Variants in AOPEP observed in about 807,000 individuals in gnomAD.
The protein encoded by AOPEP is aminopeptidase O.
A neutral mutation model predicts 98.1 loss-of-function variants in AOPEP; 77 were observed. The observed-to-expected ratio is 0.78, with a 90% CI of 0.65 to 0.95. The LOEUF is 0.95. Among genes scored for constraint, AOPEP ranks in the 40% least tolerant of loss-of-function variants. The pLI, the probability that AOPEP is intolerant of heterozygous loss-of-function variation, is 0.00. For synonymous variants in AOPEP, 346 were observed against 365.3 expected, an observed-to-expected ratio of 0.95 and a Z score of 0.60; for missense variants, 1,024 against 1,024.7, an observed-to-expected ratio of 1.00 and a Z score of 0.01.
chr9:95,064,490 C>T (rs569595921), intron 14 of AOPEP, among the ~76,000 whole-genome samples: 43 of 152,162 alleles, frequency 2.8e-4, no homozygotes, highest in Non-Finnish European at 5.6e-4. Context: ...GGGGTTTCAC[C>T]ATCTTGGCCA....
intron 5 of AOPEP, among the ~76,000 whole-genome samples, chr9:94,848,072 A>G (rs2043074911): frequency 6.6e-6 from 1 of 152,196 alleles, no homozygotes; most frequent in Non-Finnish European, 1.5e-5. Context: ...GAAATGTGAC[A>G]CTGCAGTTAC....
At chr9:94,765,597 G>A (rs940106052) in intron 2 of AOPEP, among the ~76,000 whole-genome samples, 65 of 151,226 alleles carry the variant, frequency 4.3e-4, no homozygotes, top group African/African-American at 1.5e-3. Flanking sequence ...GTGAGACCCC[G>A]TCTTGAAAAA....
At chr9:94,882,023 T>C (rs868285450) in intron 5 of AOPEP, among the ~76,000 whole-genome samples, 21 of 152,276 alleles carry the variant, frequency 1.4e-4, no homozygotes, top group Middle Eastern at 3.4e-3. Context: ...TATGAGTAAA[T>C]TTTTGAGGAC....
chr9:95,033,969 A>G (rs1266917283), intron 13 of AOPEP, among the ~76,000 whole-genome samples: 3 of 152,184 alleles, frequency 2.0e-5, no homozygotes, highest in Non-Finnish European at 4.4e-5. Flanking sequence ...AGATTTAAAA[A>G]TCTTATATAT....
intron 5 of AOPEP, among the ~76,000 whole-genome samples, chr9:94,901,625 TATA>T (rs1346028776): frequency 1.3e-5 from 2 of 152,034 alleles, no homozygotes; most frequent in Non-Finnish European, 2.9e-5. Flanking sequence ...TTAAAATGTG[TATA>T]ATAACTTTTC....
chr9:94,794,730 A>G (rs1428418878), intron 4 of AOPEP, among the ~76,000 whole-genome samples: 1 of 152,148 alleles, frequency 6.6e-6, no homozygotes, highest in Non-Finnish European at 1.5e-5. Context: ...GACATATTCT[A>G]GTTTCATGTG....
At chr9:95,072,188 G>A (rs1044882041) in intron 14 of AOPEP, among the ~76,000 whole-genome samples, 45 of 152,230 alleles carry the variant, frequency 3.0e-4, no homozygotes, top group African/African-American at 1.1e-3. Flanking sequence ...GCCTGTTCTT[G>A]TAAATAACGT....
chr9:94,805,442 G>C (rs1849049700), intron 5 of AOPEP, among the ~76,000 whole-genome samples: 2 of 151,428 alleles, frequency 1.3e-5, no homozygotes, highest in South Asian at 2.1e-4. Flanking sequence ...TCTCATCCTA[G>C]TTTTATTTGC....
intron 13 of AOPEP, among the ~76,000 whole-genome samples, chr9:95,013,814 C>T (rs118023638): frequency 0.01 from 1,549 of 152,300 alleles, 19 homozygotes; most frequent in Non-Finnish European, 0.016. Context: ...ACTCCATTGT[C>T]ATCCTACATA....
intron 2 of AOPEP, among the ~76,000 whole-genome samples, chr9:94,764,385 A>C (rs1243548120): frequency 6.6e-6 from 1 of 152,182 alleles, no homozygotes; most frequent in Non-Finnish European, 1.5e-5. Flanking sequence ...AGTGGCTCAC[A>C]CCTGTAATCC....
intron 13 of AOPEP, among the ~76,000 whole-genome samples, chr9:95,031,840 C>T (rs1268661708): frequency 6.6e-6 from 1 of 152,198 alleles, no homozygotes; most frequent in Non-Finnish European, 1.5e-5. Flanking sequence ...TGACTTGTCC[C>T]AGATAACTGG....
At chr9:95,138,199 T>G in the AOPEP span, among the ~76,000 whole-genome samples, 1 of 152,308 alleles carries the variant, frequency 6.6e-6, no homozygotes, top group South Asian at 2.1e-4. Flanking sequence ...CTGGTAACAC[T>G]TGAAGCCAGG....
chr9:94,940,372 G>A (rs546515355), intron 7 of AOPEP, among the ~76,000 whole-genome samples: 56 of 152,270 alleles, frequency 3.7e-4, no homozygotes, highest in South Asian at 2.9e-3. Context: ...TTGAGAGGCC[G>A]AGGCGGGCAG....
At chr9:94,738,775 C>T (rs1045459202) in intron 1 of AOPEP, among the ~76,000 whole-genome samples, 4 of 152,024 alleles carry the variant, frequency 2.6e-5, no homozygotes, top group Non-Finnish European at 5.9e-5. Flanking sequence ...GGGGTTTCAC[C>T]GTGTTAGCCA....
At chr9:94,730,548 C>T (rs777110695) in intron 1 of AOPEP, among the ~76,000 whole-genome samples, 17 of 152,104 alleles carry the variant, frequency 1.1e-4, no homozygotes, top group Admixed American at 1.3e-4. Flanking sequence ...AAGCGTGTAA[C>T]TTACATGCTA....
chr9:94,730,628 C>T (rs1238322433), intron 1 of AOPEP, among the ~76,000 whole-genome samples: 3 of 152,080 alleles, frequency 2.0e-5, no homozygotes, highest in Admixed American at 6.6e-5. Context: ...TCTCTATCTT[C>T]GGACAGAATG....
chr9:94,803,882 C>G (rs546738120), intron 5 of AOPEP, among the ~76,000 whole-genome samples: 144 of 152,240 alleles, frequency 9.5e-4, no homozygotes, highest in African/African-American at 3.3e-3. Context: ...GTTTTTGTTT[C>G]ATTGTGTTTT....
At chr9:94,751,602 G>GT (rs1381408088) in intron 1 of AOPEP, among the ~76,000 whole-genome samples, 1 of 152,074 alleles carries the variant, frequency 6.6e-6, no homozygotes, top group Non-Finnish European at 1.5e-5. Flanking sequence ...AGCTTTCTAT[G>GT]TATCTGGGCT....
the AOPEP span, chr9:95,127,292 G>A: frequency 6.6e-6 from 1 of 152,460 alleles, no homozygotes; most frequent in African/African-American, 2.4e-5. Context: ...AGAGCTCAAA[G>A]TATGAGATGA....
Sources: allele counts gnomAD v4.1 joint callset (sites outside exome capture counted in the v4.1 genomes callset), GRCh38; gene constraint gnomAD v4.1.1; transcripts MANE v1.5; gene names NCBI Gene and HGNC (gene_info 2026-07-23, HGNC 2026-07-21).